Variants in BTBD9 observed in about 807,000 individuals in gnomAD.
The protein encoded by BTBD9 is BTB domain containing 9, also known as BTB/POZ domain-containing protein 9.
BTBD9 carries 49 observed loss-of-function variants against 64.3 expected under a neutral mutation model. The ratio of observed to expected loss-of-function variants is 0.76; its 90% CI spans 0.61 to 0.97. The LOEUF is 0.97. Ranked by LOEUF, BTBD9 falls within the 50% of genes least tolerant of loss-of-function variation. The probability of loss-of-function intolerance (pLI) is 0.00; values close to 1 mark genes in which losing one functional copy is unlikely to be tolerated. For synonymous variants in BTBD9, 260 were observed against 274.7 expected (o/e 0.95, Z 0.53); for missense variants, 598 against 762.1 (o/e 0.78, Z 2.53).
rs915383208 is a variant in BTBD9 at position 38,351,587 on chromosome 6, C to T, written c.1155-6494G>A. ...CGTGATCTCAGCTCACTGCAAGCTC[C>T]GCCTCCTGGGTTCACGCCATTTTCC... On this transcript the variant is annotated intron_variant, in intron 6 of 10. Transcript: ENST00000481247. Among the ~76,000 whole-genome samples the T allele has an allele frequency of 6.8e-5, 10 of 146,890 alleles. No individual in the cohort carries two copies. The South Asian group carries it at 1.7e-3, about 26-fold the overall frequency.
At chr6:38,540,988 C>T (rs949592948) in intron 6 of BTBD9, among the ~76,000 whole-genome samples, 1 of 152,176 alleles carries the variant, frequency 6.6e-6, no homozygotes, top group Non-Finnish European at 1.5e-5. Context: ...CAGGGCCCTT[C>T]TCTTTCACAT....
Position 38,435,237 on chromosome 6 carries a change from A to G in BTBD9, c.1155-90144T>C, listed in dbSNP as rs967477389. On this transcript the variant is annotated intron_variant, in intron 6 of 10. Transcript: ENST00000481247. ...TAATTGCTAATATTCCCTATGTTCCATATCCTCAGTAGACTAATGCAGGCT... is the reference window on the plus strand; with the variant it reads ...TAATTGCTAATATTCCCTATGTTCCGTATCCTCAGTAGACTAATGCAGGCT... Among the ~76,000 whole-genome samples, 24 of 151,788 alleles carry G rather than the reference A, an allele frequency of 1.6e-4. 2 individuals carry two copies. The highest frequency in any genetic ancestry group is 5.6e-4 in the African/African-American group (23 of 41,168).
intron 6 of BTBD9, among the ~76,000 whole-genome samples, chr6:38,374,172 G>C (rs1765539635): frequency 6.7e-6 from 1 of 149,868 alleles, no homozygotes; most frequent in Admixed American, 6.7e-5. Context: ...GGGAGGCTGA[G>C]GCAGGAGAAT....
intron 7 of BTBD9, among the ~76,000 whole-genome samples, chr6:38,298,386 C>T (rs1762240389): frequency 6.6e-6 from 1 of 152,094 alleles, no homozygotes; most frequent in Admixed American, 6.5e-5. Flanking sequence ...AGTTTTGACA[C>T]ATAATATTTG....
intron 6 of BTBD9, among the ~76,000 whole-genome samples, chr6:38,396,275 G>A (rs1432279329): frequency 1.3e-5 from 2 of 152,178 alleles, no homozygotes; most frequent in African/African-American, 4.8e-5. Context: ...CTGAACAGAA[G>A]AAAGATAAAA....
intron 9 of BTBD9, among the ~76,000 whole-genome samples, chr6:38,193,431 T>C (rs742537): frequency 0.53 from 80,902 of 151,978 alleles, 22,389 homozygotes; most frequent in Non-Finnish European, 0.61. Flanking sequence ...CCCCCGACAC[T>C]GTCTATTCTT....
chr6:38,405,165 A>G (rs549680212), intron 6 of BTBD9, among the ~76,000 whole-genome samples: 1 of 152,358 alleles, frequency 6.6e-6, no homozygotes, highest in South Asian at 2.1e-4. Flanking sequence ...GCTTCTATCC[A>G]GAATGCTAAA....
In BTBD9 at chr6:38,413,058, C is replaced by A. The variant is rs1304098649; in HGVS notation, c.1155-67965G>T. On this transcript the variant is annotated intron_variant, in intron 6 of 10. Coordinates refer to ENST00000481247, the MANE Select transcript of BTBD9 (RefSeq NM_001099272.2). The stretch of plus-strand genomic sequence containing the variant: ...ACCCTTAGGAAATCATTTCTTCCTA[C>A]CAAACTCTTCTTTTGATTCAAATTA... Among the ~76,000 whole-genome samples, 3 of 152,304 alleles carry A rather than the reference C, an allele frequency of 2.0e-5. No individual in the cohort carries two copies. In the East Asian group the frequency reaches 5.8e-4, roughly 29 times the overall value.
chr6:38,328,879 G>A (rs947528433), intron 7 of BTBD9, among the ~76,000 whole-genome samples: 3 of 151,448 alleles, frequency 2.0e-5, no homozygotes, highest in Non-Finnish European at 2.9e-5. Context: ...CCCGGGAGGT[G>A]GAGTTTGCAG....
At chr6:38,256,387 T>C (rs1764579410) in intron 9 of BTBD9, 22 bp downstream of exon 9, 5 of 1,549,128 alleles carry the variant, frequency 3.2e-6, no homozygotes, top group Middle Eastern at 1.7e-4. Flanking sequence ...TAGGAATAAA[T>C]TCCTGAAAAG....
chr6:38,500,899 T>C (rs1772165699), intron 6 of BTBD9, among the ~76,000 whole-genome samples: 1 of 152,188 alleles, frequency 6.6e-6, no homozygotes, highest in Non-Finnish European at 1.5e-5. Context: ...CAAGCACAGA[T>C]ATATCTGCAA....
At chr6:38,386,466 C>G (rs7746501) in intron 6 of BTBD9, among the ~76,000 whole-genome samples, 1 of 152,104 alleles carries the variant, frequency 6.6e-6, no homozygotes, top group South Asian at 2.1e-4. Flanking sequence ...TGAATGTCTA[C>G]TGTCACAAAT....
At chr6:38,544,527 G>A (rs58177962) in intron 6 of BTBD9, among the ~76,000 whole-genome samples, 7,855 of 152,146 alleles carry the variant, frequency 0.052, 305 homozygotes, top group East Asian at 0.19. Flanking sequence ...ACTGGAAGGA[G>A]GTGAGAAATG....
At chr6:38,556,961 C>T (rs1043171195) in intron 6 of BTBD9, among the ~76,000 whole-genome samples, 2 of 128,940 alleles carry the variant, frequency 1.6e-5, no homozygotes, top group Non-Finnish European at 3.1e-5. Flanking sequence ...TGCAGTGACC[C>T]GAGATCGGGC....
At chr6:38,324,394 T>C (rs2127577683) in intron 7 of BTBD9, among the ~76,000 whole-genome samples, 1 of 152,344 alleles carries the variant, frequency 6.6e-6, no homozygotes, top group South Asian at 2.1e-4. Flanking sequence ...AATGCAAGTA[T>C]GGGTCATCAT....
At chr6:38,622,880 ATTCATCCCTGCAATCCC>A (rs1778035504) in intron 1 of BTBD9, among the ~76,000 whole-genome samples, 1 of 152,144 alleles carries the variant, frequency 6.6e-6, no homozygotes, top group Admixed American at 6.5e-5. Flanking sequence ...CTGCATGACC[ATTCATCCCTGCAATCCC>A]TGCAGCAGCA....
chr6:38,285,720 G>C (rs751394062), intron 8 of BTBD9, among the ~76,000 whole-genome samples: 1 of 152,132 alleles, frequency 6.6e-6, no homozygotes, highest in Non-Finnish European at 1.5e-5. Flanking sequence ...AGAGTATCTA[G>C]TCAATTTAAA....
At chr6:38,424,834 T>TA (rs1768074096) in intron 6 of BTBD9, among the ~76,000 whole-genome samples, 2 of 151,310 alleles carry the variant, frequency 1.3e-5, no homozygotes, top group African/African-American at 4.9e-5. Context: ...CTTATTTTAT[T>TA]TTTATTATTA....
At chr6:38,416,142 TGGGTA>T (rs957364842) in intron 6 of BTBD9, among the ~76,000 whole-genome samples, 3 of 151,940 alleles carry the variant, frequency 2.0e-5, no homozygotes, top group Non-Finnish European at 4.4e-5. Context: ...CACTGGGAGG[TGGGTA>T]GGGTAGGGTA....
Sources: allele counts gnomAD v4.1 joint callset (sites outside exome capture counted in the v4.1 genomes callset), GRCh38; gene constraint gnomAD v4.1.1; transcripts MANE v1.5; gene names NCBI Gene and HGNC (gene_info 2026-07-23, HGNC 2026-07-21).